DENND1A: variants seen among roughly 807,000 people sequenced by gnomAD.
DENND1A encodes DENN domain-containing protein 1A.
In DENND1A, 51 loss-of-function variants were observed where a neutral mutation model predicts 113.7. The observed-to-expected ratio is 0.45, with a 90% CI of 0.36 to 0.57. The LOEUF (loss-of-function observed/expected upper bound fraction) is 0.57. Among genes scored for constraint, DENND1A ranks in the 20% least tolerant of loss-of-function variants. The pLI is 0.00. For missense variants in DENND1A, 1,258 were observed against 1,395.9 expected, an observed-to-expected ratio of 0.90 and a Z score of 1.57; for synonymous variants, 565 against 570.8, an observed-to-expected ratio of 0.99 and a Z score of 0.14.
chr9:123,383,076 T>G (rs1006316539), intron 23 of DENND1A, among the ~76,000 whole-genome samples: 1 of 152,026 alleles, frequency 6.6e-6, no homozygotes, highest in Non-Finnish European at 1.5e-5. Context: ...CGGGTGCCAG[T>G]CCCTTTCTCC....
At chr9:123,744,449 T>C (rs532225377) in intron 5 of DENND1A, among the ~76,000 whole-genome samples, 1 of 152,332 alleles carries the variant, frequency 6.6e-6, no homozygotes, top group African/African-American at 2.4e-5. Context: ...TGTCCATATA[T>C]CCGTACTTAT....
At chr9:123,785,432 G>A (rs768918496) in intron 3 of DENND1A, among the ~76,000 whole-genome samples, 3 of 152,048 alleles carry the variant, frequency 2.0e-5, no homozygotes, top group Non-Finnish European at 4.4e-5. Context: ...TTTGTCCAAG[G>A]TGATATATTT....
chr9:123,474,491 C>T (rs2049738051), intron 13 of DENND1A, among the ~76,000 whole-genome samples: 1 of 152,150 alleles, frequency 6.6e-6, no homozygotes, highest in African/African-American at 2.4e-5. Context: ...AAGCAAAAAG[C>T]TCATGCAGCG....
intron 13 of DENND1A, among the ~76,000 whole-genome samples, chr9:123,544,246 T>C (rs186871095): frequency 5.0e-4 from 76 of 152,350 alleles, no homozygotes; most frequent in Non-Finnish European, 9.3e-4. Flanking sequence ...TTTTAAGTTT[T>C]CATCCAATTA....
chr9:123,478,089 A>G (rs2050056223), intron 13 of DENND1A, among the ~76,000 whole-genome samples: 1 of 152,190 alleles, frequency 6.6e-6, no homozygotes, highest in South Asian at 2.1e-4. Flanking sequence ...ACCTGGATTT[A>G]TGATCTCCTA....
intron 13 of DENND1A, among the ~76,000 whole-genome samples, chr9:123,520,938 G>C (rs2054341602): frequency 6.6e-6 from 1 of 152,140 alleles, no homozygotes; most frequent in Non-Finnish European, 1.5e-5. Context: ...AACAGTGTCT[G>C]GTTTTTGTTT....
At chr9:123,598,350 A>G (rs915319153) in intron 11 of DENND1A, among the ~76,000 whole-genome samples, 12 of 151,494 alleles carry the variant, frequency 7.9e-5, no homozygotes, top group African/African-American at 2.7e-4. Context: ...TAATGATGTC[A>G]TTACCCAAAA....
chr9:123,830,478 T>C (rs895462317), intron 2 of DENND1A, among the ~76,000 whole-genome samples: 18 of 152,032 alleles, frequency 1.2e-4, no homozygotes, highest in African/African-American at 4.1e-4. Context: ...TTTTACTATA[T>C]GTGAGTTATA....
intron 6 of DENND1A, 106 bp downstream of exon 6, chr9:123,676,614 A>C (rs2064090444): frequency 1.0e-6 from 1 of 988,986 alleles, no homozygotes; most frequent in Non-Finnish European, 1.5e-6. Context: ...AATTCCTATA[A>C]TGGGCATGCA....
chr9:123,442,483 C>G (rs1057501606), intron 18 of DENND1A, among the ~76,000 whole-genome samples: 1 of 151,934 alleles, frequency 6.6e-6, no homozygotes, highest in African/African-American at 2.4e-5. Context: ...ATTTTGGATC[C>G]AGGTGAAGAT....
chr9:123,438,815 C>T (rs1419771623), intron 19 of DENND1A, among the ~76,000 whole-genome samples: 1 of 152,188 alleles, frequency 6.6e-6, no homozygotes, highest in Non-Finnish European at 1.5e-5. Context: ...CTGGGAATGA[C>T]ATTAAAGAAT....
chr9:123,893,642 A>C (rs1253114514), intron 1 of DENND1A, among the ~76,000 whole-genome samples: 2 of 152,222 alleles, frequency 1.3e-5, no homozygotes, highest in Non-Finnish European at 2.9e-5. Context: ...ACAGCACCTC[A>C]CTTTACCCAC....
intron 19 of DENND1A, among the ~76,000 whole-genome samples, chr9:123,419,443 C>T (rs1057394512): frequency 3.9e-5 from 6 of 152,234 alleles, no homozygotes; most frequent in Non-Finnish European, 7.3e-5. Context: ...CAGTCAAATA[C>T]GTGGCCAGGA....
At chr9:123,497,371 T>C (rs1376401051) in intron 13 of DENND1A, among the ~76,000 whole-genome samples, 3 of 152,114 alleles carry the variant, frequency 2.0e-5, no homozygotes, top group Non-Finnish European at 4.4e-5. Flanking sequence ...TGCTGGAGAG[T>C]AGTGGGCATG....
intron 13 of DENND1A, among the ~76,000 whole-genome samples, chr9:123,551,695 CT>C (rs2135890248): frequency 6.6e-6 from 1 of 152,340 alleles, no homozygotes; most frequent in East Asian, 1.9e-4. Flanking sequence ...CTGGACACCC[CT>C]GGCATCTCAG....
At chr9:123,468,680 G>A (rs762893422) in intron 13 of DENND1A, among the ~76,000 whole-genome samples, 25 of 152,160 alleles carry the variant, frequency 1.6e-4, no homozygotes, top group Non-Finnish European at 3.1e-4. Context: ...GTGAGGTCCC[G>A]GCCAACATGG....
intron 13 of DENND1A, among the ~76,000 whole-genome samples, chr9:123,484,851 C>T (rs929528996): frequency 1.3e-5 from 2 of 152,194 alleles, no homozygotes; most frequent in African/African-American, 4.8e-5. Flanking sequence ...TGGAGCCCAG[C>T]AGACCTGATC....
intron 13 of DENND1A, among the ~76,000 whole-genome samples, chr9:123,507,825 AAAATAAATAAATAAAT>A (rs35086659): frequency 6.7e-6 from 1 of 148,744 alleles, no homozygotes; most frequent in East Asian, 1.9e-4. Context: ...AACCTATCTC[AAAATAAATAAATAAAT>A]AAATAAATAA....
At chr9:123,755,451 G>A (rs2070454244) in intron 5 of DENND1A, among the ~76,000 whole-genome samples, 1 of 151,704 alleles carries the variant, frequency 6.6e-6, no homozygotes, top group South Asian at 2.1e-4. Context: ...GCCAATATGT[G>A]GATTTTTTTA....
Sources: gnomAD v4.1 joint callset for allele counts (sites outside exome capture counted in the v4.1 genomes callset) on GRCh38, gnomAD v4.1.1 for gene constraint, MANE v1.5 for transcripts, NCBI Gene and HGNC (gene_info 2026-07-23, HGNC 2026-07-21) for gene names.